ANK1: variants seen among roughly 807,000 people sequenced by gnomAD.
The protein encoded by ANK1 is ankyrin-1.
A neutral mutation model predicts 210.4 loss-of-function variants in ANK1; 51 were observed. That is an observed-to-expected ratio of 0.24 (90% CI 0.19 to 0.31). The LOEUF (loss-of-function observed/expected upper bound fraction) is 0.31. Among genes scored for constraint, ANK1 ranks in the 10% least tolerant of loss-of-function variants. The pLI is 1.00. For synonymous variants in ANK1, 967 were observed against 1,025.9 expected (o/e 0.94, Z 1.10); for missense variants, 2,051 against 2,504.4 (o/e 0.82, Z 3.86).
At chr8:41,765,980 G>A (rs928200578) in intron 1 of ANK1, among the ~76,000 whole-genome samples, 5 of 152,138 alleles carry the variant, frequency 3.3e-5, no homozygotes, top group African/African-American at 9.7e-5. Context: ...TTTTCCCTAG[G>A]ACAAATCATG....
chr8:41,869,567 G>A (rs925717256), intron 1 of ANK1, among the ~76,000 whole-genome samples: 2 of 152,064 alleles, frequency 1.3e-5, no homozygotes, highest in South Asian at 2.1e-4. Context: ...GTGACAGAGC[G>A]AGACCATCTA....
intron 10 of ANK1, among the ~76,000 whole-genome samples, chr8:41,719,338 T>A (rs12550218): frequency 0.25 from 38,437 of 152,032 alleles, 4,948 homozygotes; most frequent in Middle Eastern, 0.36. Flanking sequence ...CAGGCCTGGC[T>A]CCACTGGAGA....
intron 29 of ANK1, among the ~76,000 whole-genome samples, 197 bp from the exon 30 acceptor site, chr8:41,693,398 T>A (rs2150590852): frequency 6.9e-6 from 1 of 144,794 alleles, no homozygotes; most frequent in African/African-American, 2.5e-5. Context: ...CTTGGAGAGT[T>A]CTTCCCCAGG....
intron 1 of ANK1, among the ~76,000 whole-genome samples, chr8:41,780,707 C>T (rs564435355): frequency 1.3e-5 from 2 of 152,262 alleles, no homozygotes; most frequent in South Asian, 2.1e-4. Context: ...TGTGTGTGCA[C>T]GTGTGCCTGT....
intron 23 of ANK1, among the ~76,000 whole-genome samples, chr8:41,698,578 C>T (rs1821764132): frequency 1.3e-5 from 2 of 152,158 alleles, no homozygotes; most frequent in South Asian, 2.1e-4. Flanking sequence ...AGTGTTTCTA[C>T]AAAGTCGTTG....
rs528073173 is a variant in ANK1, at chr8:41,767,381, C to G, written c.28-9244G>C. On this transcript the variant is annotated intron_variant, in intron 1 of 42. Coordinates refer to ENST00000289734, the MANE Select transcript of ANK1 (RefSeq NM_000037.4). Reference sequence around the variant, plus strand: ...CGGACCTGCCCTGTCGCGCTGCCATCGTCCGGCGCCCGCGCTGAAATCCGA... The same window carrying G: ...CGGACCTGCCCTGTCGCGCTGCCATGGTCCGGCGCCCGCGCTGAAATCCGA... 8.9e-3 allele frequency among the ~76,000 whole-genome samples: 1,355 copies of G among 151,844 alleles called. 18 individuals are homozygous for G. Among genetic ancestry groups the G allele is most frequent in the African/African-American group, 0.03 (1,241 of 41,484 alleles).
Position 41,686,189 on chromosome 8 carries a change from C to T in ANK1, c.4353G>A (p.Leu1451=). ...GGCCTTCACGGATGACCCAGAGGTT[C>T]AGCAAGGCCACACTCTGCTCCAACA... ...NSLLEQSVAL[L]NLWVIREGQN... Residue 1451 remains leucine, a synonymous_variant, in exon 36 of 43, where the codon CTG becomes CTA. Coordinates refer to ENST00000289734, the MANE Select transcript of ANK1 (RefSeq NM_000037.4). 1 of 1,614,226 alleles carries T rather than the reference C, an allele frequency of 6.2e-7. No homozygotes were observed. Among genetic ancestry groups the T allele is most frequent in the Non-Finnish European group, 8.5e-7 (1 of 1,180,046 alleles).
intron 11 of ANK1, 55 bp downstream of exon 11, chr8:41,718,051 G>A (rs1385482661): frequency 6.5e-7 from 1 of 1,543,458 alleles, no homozygotes; most frequent in East Asian, 2.3e-5. Context: ...CTTGGAGAAG[G>A]TGGGTCGGGG....
rs369984591 is a variant in ANK1 at position 41,690,465 on chromosome 8, T to C, written c.3984+9A>G. ...CCCAGAGGAGAACTCAGCCAGAGGG[T>C]GCCGGCACCTTTACAGGCATGGCCA... On this transcript the variant is annotated intron_variant, in intron 32 of 42. Coordinates refer to ENST00000289734, the MANE Select transcript of ANK1 (RefSeq NM_000037.4). The C allele has an allele frequency of 1.6e-4, 261 of 1,614,140 alleles. 1 individual carries two copies. Among genetic ancestry groups the C allele is most frequent in the Middle Eastern group, 1.5e-3 (9 of 6,062 alleles).
intron 1 of ANK1, among the ~76,000 whole-genome samples, chr8:41,841,645 G>C (rs968201691): frequency 6.6e-6 from 1 of 152,154 alleles, no homozygotes; most frequent in Non-Finnish European, 1.5e-5. Flanking sequence ...GGTTTCACAG[G>C]TGTGTGCAGA....
chr8:41,751,208 T>G (rs950193378), intron 2 of ANK1, among the ~76,000 whole-genome samples: 26 of 152,234 alleles, frequency 1.7e-4, no homozygotes, highest in South Asian at 8.3e-4. Flanking sequence ...TTCTGGAAAC[T>G]GAGCATGTGA....
At chr8:41,834,088 AG>A (rs1258835869) in intron 1 of ANK1, among the ~76,000 whole-genome samples, 4 of 152,282 alleles carry the variant, frequency 2.6e-5, no homozygotes, top group African/African-American at 9.6e-5. Flanking sequence ...CATGATCAGC[AG>A]GGGGTTTCCC....
chr8:41,877,064 C>T lies in ANK1; in HGVS notation c.126+19291G>A, dbSNP rs147675497. Among the ~76,000 whole-genome samples, 407 of 152,216 alleles carry T rather than the reference C, an allele frequency of 2.7e-3. 1 individual carries two copies. The highest frequency in any genetic ancestry group is 4.6e-3 in the Non-Finnish European group (311 of 68,010). ...ATCCCAGTGCTTTGGGAGGCCGAGG[C>T]GGGAGGATTGCTTGAGGCTGGCAGT... On this transcript the variant is annotated intron_variant, in intron 1 of 42. Coordinates refer to the ANK1 transcript ENST00000265709.
At chr8:41,726,758 C>T (rs939183054) in intron 5 of ANK1, among the ~76,000 whole-genome samples, 2 of 152,296 alleles carry the variant, frequency 1.3e-5, no homozygotes, top group South Asian at 2.1e-4. Context: ...ACTGATAAAA[C>T]GGAATGACAA....
At chr8:41,700,300 G>C in intron 22 of ANK1, 1 of 1,016,772 alleles carries the variant, frequency 9.8e-7, no homozygotes, top group South Asian at 1.5e-5. Context: ...GTTTAGCTGA[G>C]CTCCTGGCTC....
intron 1 of ANK1, among the ~76,000 whole-genome samples, chr8:41,831,709 A>G (rs1282038883): frequency 6.6e-6 from 1 of 152,018 alleles, no homozygotes; most frequent in African/African-American, 2.4e-5. Context: ...GAAGGAAGGA[A>G]GGACCATTAA....
Position 41,694,479 on chromosome 8 carries a change from G to A in ANK1, c.3327+113C>T, listed in dbSNP as rs1820245352. On this transcript the variant is annotated intron_variant, in intron 28 of 42. Transcript: ENST00000289734. This position sits in a 1 kb window ranked among gnomAD's most constrained non-coding sequence, Gnocchi z 5.7. Reference sequence around the variant, plus strand: ...GCTTTAAACTCAGATCTCCACTGTGGCATTTCAAAGCACCAGACAAAAGTG... The same window carrying A: ...GCTTTAAACTCAGATCTCCACTGTGACATTTCAAAGCACCAGACAAAAGTG... 1 of 1,076,748 alleles carries A rather than the reference G, an allele frequency of 9.3e-7. No homozygotes were observed. Among genetic ancestry groups the A allele is most frequent in the Admixed American group, 2.0e-5 (1 of 49,464 alleles). 66.7% of individuals were successfully genotyped at this position (1,076,748 alleles called of 1,614,324 possible). A position where few individuals can be genotyped will look rare whatever the true frequency, so the allele number is the denominator to read the frequency against.
At chr8:41,842,507 A>AT (rs1217224778) in intron 1 of ANK1, among the ~76,000 whole-genome samples, 1 of 151,782 alleles carries the variant, frequency 6.6e-6, no homozygotes, top group Non-Finnish European at 1.5e-5. Flanking sequence ...AAAAAAAAAA[A>AT]TTTTTGGAAT....
chr8:41,816,564 A>T (rs1023708244), intron 1 of ANK1, among the ~76,000 whole-genome samples: 1 of 152,038 alleles, frequency 6.6e-6, no homozygotes, highest in Non-Finnish European at 1.5e-5. Context: ...TCAGCCTCCC[A>T]AGTAGCTGGG....
Sources: allele counts gnomAD v4.1 joint callset (sites outside exome capture counted in the v4.1 genomes callset), GRCh38; gene constraint gnomAD v4.1.1; non-coding constraint Gnocchi (gnomAD v3.1); transcripts MANE v1.5; gene names NCBI Gene and HGNC (gene_info 2026-07-23, HGNC 2026-07-21).